DEPDC4: variants seen among roughly 807,000 people sequenced by gnomAD.
DEPDC4 encodes DEP domain containing 4.
DEPDC4 carries 52 observed loss-of-function variants against 52.0 expected under a neutral mutation model. That is an observed-to-expected ratio of 1.00 (90% CI 0.80 to 1.26). DEPDC4 has a LOEUF of 1.26. Among genes scored for constraint, DEPDC4 ranks in the 50% most tolerant of loss-of-function variants. DEPDC4 has a pLI of 0.00. For synonymous variants in DEPDC4, 201 were observed against 196.8 expected (o/e 1.02, Z -0.18); for missense variants, 530 against 546.9 (o/e 0.97, Z 0.31).
At chr12:100,250,794 A>G (rs2096204509) in intron 7 of DEPDC4, among the ~76,000 whole-genome samples, 1 of 151,984 alleles carries the variant, frequency 6.6e-6, no homozygotes, top group Non-Finnish European at 1.5e-5. Context: ...ACATATGAGA[A>G]TTTTACTTTA....
At position 100,241,863 on chromosome 12, in the gene DEPDC4, A is replaced by G; in HGVS notation, c.*47-18T>C. ...CGTAAAGCCTGGAAAAAAAAAAAAA[A>G]AACAAAAGAAAAAGAAAAGTACCAC... On this transcript the variant is annotated intron_variant, in intron 9 of 9. Transcript: ENST00000550587. 1 of 1,194,122 alleles carries G rather than the reference A, an allele frequency of 8.4e-7. No individual in the cohort carries two copies. Among genetic ancestry groups the G allele is most frequent in the Non-Finnish European group, 1.1e-6 (1 of 946,290 alleles). The allele number at this position is 1,194,122 out of a possible 1,614,324, so 74.0% of individuals were successfully genotyped here. A position where few individuals can be genotyped will look rare whatever the true frequency, so the allele number is the denominator to read the frequency against.
intron 4 of DEPDC4, chr12:100,255,839 C>T (rs1289153131): frequency 1.5e-5 from 5 of 341,626 alleles, no homozygotes; most frequent in South Asian, 9.2e-5. Flanking sequence ...CAAATGAATT[C>T]GTACGAACCA....
chr12:100,256,643 T>G (rs12371810), intron 3 of DEPDC4, among the ~76,000 whole-genome samples: 5 of 133,388 alleles, frequency 3.7e-5, no homozygotes, highest in Non-Finnish European at 6.8e-5. Context: ...TTTGTGTTTT[T>G]TGTTTTTTTT....
At chr12:100,281,424 T>C in the DEPDC4 span, among the ~76,000 whole-genome samples, 1 of 152,170 alleles carries the variant, frequency 6.6e-6, no homozygotes, top group Non-Finnish European at 1.5e-5. Context: ...TGGTGGCTTA[T>C]TTATGCCTGT....
chr12:100,256,032 TA>T lies in DEPDC4; in HGVS notation c.878+16del. On this transcript the variant is annotated intron_variant, in intron 4 of 9. Coordinates refer to ENST00000550587, the MANE Select transcript of DEPDC4 (RefSeq NM_001364818.2). ...AAACTGTTTACAAATTATTTGACAA[TA>T]AAAATGGTCACTTACTCAGGTAGAC... The T allele has an allele frequency of 6.4e-7, 1 of 1,558,982 alleles. No individual in the cohort carries two copies.
downstream of DEPDC4, among the ~76,000 whole-genome samples, chr12:100,235,606 G>A (rs2153902920): frequency 6.7e-6 from 1 of 149,900 alleles, no homozygotes; most frequent in East Asian, 2.0e-4. Flanking sequence ...ATGGAGTCTT[G>A]CTCTGTCACC....
chr12:100,259,947 T>TC (rs1170396225), intron 3 of DEPDC4, among the ~76,000 whole-genome samples: 5 of 128,574 alleles, frequency 3.9e-5, no homozygotes, highest in African/African-American at 1.5e-4. Flanking sequence ...TCCTATGTCT[T>TC]TTTTTTTTTT....
At position 100,256,198 on chromosome 12, in the gene DEPDC4, A is replaced by T. The variant is rs755948865; in HGVS notation, c.729T>A (p.Cys243Ter). ...ATGGAAGGTGAATCAATTGAAGAAGACATAATAATGTTTGTTCTTTCCAAA... is the reference window on the plus strand; with the variant it reads ...ATGGAAGGTGAATCAATTGAAGAAGTCATAATAATGTTTGTTCTTTCCAAA... ...EDVWKEQTLLCLLQLIHLPFL... is the reference protein window; with the variant it reads ...EDVWKEQTLL Residue 243 changes from cysteine (C) to a stop codon, truncating the protein, a stop_gained, in exon 4 of 10, where the codon TGT becomes TGA. Coordinates refer to ENST00000550587, the MANE Select transcript of DEPDC4 (RefSeq NM_001364818.2). LOFTEE classifies it high-confidence loss of function. The T allele has an allele frequency of 1.2e-6, 2 of 1,612,566 alleles. No individual in the cohort carries two copies. Among genetic ancestry groups the T allele is most frequent in the Non-Finnish European group, 1.7e-6 (2 of 1,179,200 alleles).
At chr12:100,272,863 A>G in the DEPDC4 span, among the ~76,000 whole-genome samples, 1 of 152,230 alleles carries the variant, frequency 6.6e-6, no homozygotes, top group East Asian at 1.9e-4. Context: ...AACACATAAA[A>G]GTATATAACG....
chr12:100,270,436 T>TA (rs923674076), upstream of DEPDC4, among the ~76,000 whole-genome samples: 5 of 151,456 alleles, frequency 3.3e-5, no homozygotes, highest in African/African-American at 2.4e-5. Flanking sequence ...GCTACTGCTT[T>TA]AAAAAAAAAT....
At chr12:100,272,332 CTT>C in the DEPDC4 span, among the ~76,000 whole-genome samples, 1 of 152,090 alleles carries the variant, frequency 6.6e-6, no homozygotes, top group Non-Finnish European at 1.5e-5. Context: ...TATTTGGACT[CTT>C]AGGTTTCTTA....
At chr12:100,280,253 A>C in the DEPDC4 span, among the ~76,000 whole-genome samples, 5 of 152,250 alleles carry the variant, frequency 3.3e-5, no homozygotes, top group Admixed American at 2.0e-4. Flanking sequence ...TACTTAGAGT[A>C]ATATTTTTAA....
Position 100,232,194 on chromosome 12 carries a change from C to T in DEPDC4, c.*699+5774G>A, listed in dbSNP as rs148992311. Among the ~76,000 whole-genome samples, 1,002 of 151,830 alleles carry T rather than the reference C, an allele frequency of 6.6e-3. 12 individuals carry two copies. The highest frequency in any genetic ancestry group is 0.023 in the African/African-American group (969 of 41,406). ...ATCACCTGAGGTCAGGAGTTTGAGA[C>T]CAGCCTGGCCAACATGGTGAAACCC... On this transcript the variant is annotated intron_variant and NMD_transcript_variant, in intron 9 of 10. Transcript: ENST00000378244.
intron 8 of DEPDC4, among the ~76,000 whole-genome samples, chr12:100,247,414 C>T (rs2096190646): frequency 6.6e-6 from 1 of 151,958 alleles, no homozygotes; most frequent in Non-Finnish European, 1.5e-5. Context: ...CCACATTGGC[C>T]AGGCTGGTCT....
At chr12:100,249,108 G>A in intron 7 of DEPDC4, 130 bp from the exon 8 acceptor site, 2 of 205,816 alleles carry the variant, frequency 9.7e-6, no homozygotes, top group Non-Finnish European at 1.7e-5. Flanking sequence ...TGAGTGGAAA[G>A]GGTGGGTGGT....
chr12:100,246,289 A>T (rs1291300095), intron 8 of DEPDC4, among the ~76,000 whole-genome samples: 1 of 152,078 alleles, frequency 6.6e-6, no homozygotes, highest in Non-Finnish European at 1.5e-5. Context: ...ATTCCCTCAG[A>T]CTAGGTGGTC....
chr12:100,256,352 G>A, intron 3 of DEPDC4, 126 bp from the exon 4 acceptor site: 2 of 579,116 alleles, frequency 3.5e-6, no homozygotes, highest in South Asian at 3.3e-5. Context: ...AATATAATGG[G>A]TTAATTTAAT....
At chr12:100,275,224 CA>C in the DEPDC4 span, among the ~76,000 whole-genome samples, 1 of 149,986 alleles carries the variant, frequency 6.7e-6, no homozygotes, top group Non-Finnish European at 1.5e-5. Context: ...TTTTTTGAGA[CA>C]GGGTCTCACC....
chr12:100,277,515 T>A, the DEPDC4 span, among the ~76,000 whole-genome samples: 2 of 152,260 alleles, frequency 1.3e-5, no homozygotes, highest in Non-Finnish European at 2.9e-5. Context: ...AAATGACTTC[T>A]TTGTCTTCAA....
Sources: allele counts gnomAD v4.1 joint callset (sites outside exome capture counted in the v4.1 genomes callset), GRCh38; gene constraint gnomAD v4.1.1; transcripts MANE v1.5; gene names NCBI Gene and HGNC (gene_info 2026-07-23, HGNC 2026-07-21).